The following NMI variants were observed in gnomAD, a reference collection of about 807,000 sequenced individuals.
NMI encodes N-myc-interactor.
In NMI, 39 loss-of-function variants were observed where a neutral mutation model predicts 34.3. That is an observed-to-expected ratio of 1.14 (90% CI 0.88 to 1.49). NMI has a LOEUF of 1.49. Among genes scored for constraint, NMI ranks in the 40% most tolerant of loss-of-function variants. NMI has a pLI of 0.00. For missense variants in NMI, 339 were observed against 358.1 expected (o/e 0.95, Z 0.43); for synonymous variants, 113 against 120.3 (o/e 0.94, Z 0.40).
At chr2:151,279,863 T>A (rs1439238546) in intron 3 of NMI, among the ~76,000 whole-genome samples, 1 of 151,924 alleles carries the variant, frequency 6.6e-6, no homozygotes, top group African/African-American at 2.4e-5. Flanking sequence ...TTACCACAAC[T>A]TAGGTTTATA....
At chr2:151,275,725 C>A (rs1249221061) in intron 5 of NMI, 33 bp downstream of exon 5, 1 of 1,610,140 alleles carries the variant, frequency 6.2e-7, no homozygotes, top group Admixed American at 1.7e-5. Flanking sequence ...TTGTGATGAA[C>A]AGAAATCCAA....
At chr2:151,279,082 T>C in intron 3 of NMI, 92 bp from the exon 4 acceptor site, 3 of 796,604 alleles carry the variant, frequency 3.8e-6, no homozygotes, top group Middle Eastern at 3.6e-4. Flanking sequence ...CAATAATTCA[T>C]TCCCCACTAA....
At chr2:151,278,557 T>C (rs1683329579) in intron 4 of NMI, 2 of 382,056 alleles carry the variant, frequency 5.2e-6, no homozygotes, top group South Asian at 2.6e-5. Flanking sequence ...GGAGGTAGCA[T>C]GTGGAGTAGA....
rs554393813 is a variant in NMI, at chr2:151,280,127, G to A, written c.178-1137C>T. On this transcript the variant is annotated intron_variant, in intron 3 of 7. Coordinates refer to ENST00000243346, the MANE Select transcript of NMI (RefSeq NM_004688.3). ...GGAGAATCGCTTGAACCAGGGAGGC[G>A]GATGTTGTAGTGAACCGAGATCGCA... Among the ~76,000 whole-genome samples, 10 of 151,198 alleles carry A rather than the reference G, an allele frequency of 6.6e-5. No individual in the cohort carries two copies. The South Asian group carries it at 1.7e-3, about 25-fold the overall frequency.
At chr2:151,272,004 G>C (rs767576118) in intron 6 of NMI, among the ~76,000 whole-genome samples, 5 of 152,202 alleles carry the variant, frequency 3.3e-5, no homozygotes, top group Non-Finnish European at 7.3e-5. Flanking sequence ...TCCTCAGACA[G>C]ATCTACTTTG....
At position 151,275,413 on chromosome 2, in the gene NMI, A is replaced by C. The variant is rs140482947; in HGVS notation, c.634+71T>G. ...TTCCAAATAAAAGAAGTAGAATAGG[A>C]ATACTTTCAGAAACAACAGAACATG... On this transcript the variant is annotated intron_variant, in intron 6 of 7. Coordinates refer to ENST00000243346, the MANE Select transcript of NMI (RefSeq NM_004688.3). 130 of 1,332,572 alleles carry C rather than the reference A, an allele frequency of 9.8e-5. 2 individuals are homozygous for C. The African/African-American group carries it at 1.5e-3, about 15-fold the overall frequency. 82.5% of individuals were successfully genotyped at this position (1,332,572 alleles called of 1,614,324 possible).
At chr2:151,283,574 C>T (rs566480614) in intron 1 of NMI, among the ~76,000 whole-genome samples, 2 of 152,150 alleles carry the variant, frequency 1.3e-5, no homozygotes, top group African/African-American at 2.4e-5. Context: ...TAATATCATG[C>T]TCCATTTTAA....
chr2:151,271,499 G>C, intron 7 of NMI, 127 bp downstream of exon 7: 1 of 672,362 alleles, frequency 1.5e-6, no homozygotes, highest in South Asian at 1.7e-5. Flanking sequence ...CAAAAATGAA[G>C]TAAAGAAACC....
intron 7 of NMI, 23 bp downstream of exon 7, chr2:151,271,603 T>G (rs751759119): frequency 1.6e-6 from 2 of 1,229,894 alleles, no homozygotes; most frequent in East Asian, 2.3e-5. Context: ...GTTCTGAAAA[T>G]GAGAGAACAG....
At chr2:151,273,132 G>C (rs1009020873) in intron 6 of NMI, among the ~76,000 whole-genome samples, 1 of 150,008 alleles carries the variant, frequency 6.7e-6, no homozygotes, top group Non-Finnish European at 1.5e-5. Context: ...AAAAAAAAGA[G>C]TACAGGTCCT....
chr2:151,283,098 C>A, intron 1 of NMI, 144 bp from the exon 2 acceptor site: 2 of 435,586 alleles, frequency 4.6e-6, no homozygotes, highest in Non-Finnish European at 8.2e-6. Context: ...GCTTTATTAT[C>A]ATATGGCTTA....
At position 151,276,848 on chromosome 2, in the gene NMI, A is replaced by G. The variant is rs928001006; in HGVS notation, c.341-984T>C. ...AATGCTCTTGAAATCATTCTTTAAA[A>G]AGTTGATAGTCCTGCTATATTGATC... On this transcript the variant is annotated intron_variant, in intron 4 of 7. Transcript: ENST00000243346. Among the ~76,000 whole-genome samples the G allele has an allele frequency of 3.3e-5, 5 of 152,336 alleles. No homozygotes were observed. In the South Asian group the frequency reaches 1.0e-3, roughly 32 times the overall value.
chr2:151,273,533 G>A (rs556771010), intron 6 of NMI, among the ~76,000 whole-genome samples: 4 of 152,062 alleles, frequency 2.6e-5, no homozygotes, highest in South Asian at 2.1e-4. Flanking sequence ...TTTTATTTCG[G>A]TTTTTTTGAG....
rs1333737473 is a variant in NMI, at chr2:151,270,651, A to C, written c.*42T>G. ...TTCATTTTTGTCAAACATTTACAGTAATCCGGGTTAAAAAGCTATAGTTTT... is the reference window on the plus strand; with the variant it reads ...TTCATTTTTGTCAAACATTTACAGTCATCCGGGTTAAAAAGCTATAGTTTT... On this transcript the variant is annotated 3_prime_UTR_variant, in exon 8 of 8. Coordinates refer to ENST00000243346, the MANE Select transcript of NMI (RefSeq NM_004688.3). 6.8e-7 allele frequency: 1 copy of C among 1,467,728 alleles called. No homozygotes were observed. The highest frequency in any genetic ancestry group is 1.3e-5 in the South Asian group (1 of 79,428). 90.9% of individuals were successfully genotyped at this position (1,467,728 alleles called of 1,614,324 possible). A position where few individuals can be genotyped will look rare whatever the true frequency, so the allele number is the denominator to read the frequency against.
chr2:151,274,727 C>T (rs1460502060), intron 6 of NMI, among the ~76,000 whole-genome samples: 4 of 151,884 alleles, frequency 2.6e-5, no homozygotes, highest in South Asian at 2.1e-4. Context: ...CTGCCTGCCT[C>T]GGCCTCCCAA....
chr2:151,273,613 C>G (rs752667382), intron 6 of NMI, among the ~76,000 whole-genome samples: 4 of 152,184 alleles, frequency 2.6e-5, no homozygotes, highest in Admixed American at 1.3e-4. Context: ...ACCTCCACCC[C>G]CCAGGTTCAA....
chr2:151,275,374 A>T (rs1683272354), intron 6 of NMI, 110 bp downstream of exon 6: 13 of 977,724 alleles, frequency 1.3e-5, no homozygotes, highest in Non-Finnish European at 2.0e-5. Context: ...ATCCCCAATT[A>T]TCATGCTAAT....
chr2:151,289,252 CAAAAAAA>C (rs5835358), intron 1 of NMI, among the ~76,000 whole-genome samples: 63 of 74,274 alleles, frequency 8.5e-4, no homozygotes, highest in African/African-American at 2.6e-3. Context: ...GACTCCGTCT[CAAAAAAA>C]AAAAAAAAAA....
At chr2:151,276,371 T>C (rs1558875395) in intron 4 of NMI, among the ~76,000 whole-genome samples, 1 of 152,176 alleles carries the variant, frequency 6.6e-6, no homozygotes, top group East Asian at 1.9e-4. Flanking sequence ...AAGTAGAATA[T>C]ATTAATGTCA....
Sources: gnomAD v4.1 joint callset for allele counts (sites outside exome capture counted in the v4.1 genomes callset) on GRCh38, gnomAD v4.1.1 for gene constraint, MANE v1.5 for transcripts, NCBI Gene and HGNC (gene_info 2026-07-23, HGNC 2026-07-21) for gene names.